Variants in MAGI2 observed in about 807,000 individuals in gnomAD.
MAGI2 encodes the protein membrane associated guanylate kinase, WW and PDZ domain containing 2, also known as membrane-associated guanylate kinase, WW and PDZ domain-containing protein 2.
A neutral mutation model predicts 133.3 loss-of-function variants in MAGI2; 35 were observed. That is an observed-to-expected ratio of 0.26 (90% CI 0.20 to 0.35). MAGI2 has a LOEUF of 0.35. Among genes scored for constraint, MAGI2 ranks in the 10% least tolerant of loss-of-function variants. The pLI, the probability that MAGI2 is intolerant of heterozygous loss-of-function variation, is 1.00. For missense variants in MAGI2, 1,636 were observed against 1,863.4 expected, an observed-to-expected ratio of 0.88 and a Z score of 2.25; for synonymous variants, 729 against 710.6, an observed-to-expected ratio of 1.03 and a Z score of -0.41.
chr7:78,324,180 T>TACACTAC (rs1788335009), intron 9 of MAGI2, among the ~76,000 whole-genome samples: 1 of 149,110 alleles, frequency 6.7e-6, no homozygotes, highest in Non-Finnish European at 1.5e-5. Context: ...CACACTACAC[T>TACACTAC]ACACTACACT....
chr7:78,626,826 ATGTGTGTGTGTGTG>A (rs71085549), intron 3 of MAGI2, among the ~76,000 whole-genome samples: 116 of 148,384 alleles, frequency 7.8e-4, no homozygotes, highest in Non-Finnish European at 6.6e-4. Flanking sequence ...GAATACTTCA[ATGTGTGTGTGTGTG>A]TGTGTGTGTG....
intron 2 of MAGI2, among the ~76,000 whole-genome samples, chr7:78,944,501 C>T (rs1584465948): frequency 6.6e-6 from 1 of 152,030 alleles, no homozygotes. Flanking sequence ...TATATAGGGT[C>T]TGCATTCCCC....
chr7:78,167,389 T>G (rs530621549), intron 15 of MAGI2, among the ~76,000 whole-genome samples: 2 of 152,346 alleles, frequency 1.3e-5, no homozygotes, highest in African/African-American at 4.8e-5. Context: ...TATTTCCAAT[T>G]TATCTGTTAC....
intron 2 of MAGI2, among the ~76,000 whole-genome samples, chr7:78,985,896 A>T (rs1278414335): frequency 1.3e-5 from 2 of 152,126 alleles, no homozygotes; most frequent in African/African-American, 4.8e-5. Context: ...CATTATAGAT[A>T]GGAAGGTCAT....
intron 1 of MAGI2, among the ~76,000 whole-genome samples, chr7:79,073,743 C>T (rs996798617): frequency 6.6e-6 from 1 of 151,528 alleles, no homozygotes; most frequent in South Asian, 2.1e-4. Flanking sequence ...GATCTGGGCA[C>T]CCCCCTGCCC....
At chr7:78,534,573 T>A (rs1797727148) in intron 3 of MAGI2, among the ~76,000 whole-genome samples, 1 of 152,192 alleles carries the variant, frequency 6.6e-6, no homozygotes, top group Non-Finnish European at 1.5e-5. Context: ...CTTTTCTCAG[T>A]TTAACCCAAG....
At chr7:78,619,089 A>C (rs930411826) in intron 3 of MAGI2, 1 of 151,260 alleles carries the variant, frequency 6.6e-6, no homozygotes, top group African/African-American at 2.4e-5. Context: ...TAGAGATGTT[A>C]ATTAGTTTGA....
intron 2 of MAGI2, among the ~76,000 whole-genome samples, chr7:78,888,807 TA>T (rs1265182784): frequency 6.6e-6 from 1 of 152,032 alleles, no homozygotes; most frequent in African/African-American, 2.4e-5. Flanking sequence ...CTGGAAACTC[TA>T]AAAATCACAG....
At chr7:79,269,918 C>T (rs919562641) in intron 1 of MAGI2, among the ~76,000 whole-genome samples, 1 of 152,124 alleles carries the variant, frequency 6.6e-6, no homozygotes, top group South Asian at 2.1e-4. Flanking sequence ...CTATAGTTTC[C>T]ATAATCCCTG....
At chr7:78,453,494 G>C (rs1437644349) in intron 6 of MAGI2, among the ~76,000 whole-genome samples, 1 of 152,184 alleles carries the variant, frequency 6.6e-6, no homozygotes, top group African/African-American at 2.4e-5. Flanking sequence ...CTTCCTCCTA[G>C]TCTTTTCAGA....
At chr7:78,693,770 T>TA (rs1817213457) in intron 2 of MAGI2, among the ~76,000 whole-genome samples, 1 of 152,158 alleles carries the variant, frequency 6.6e-6, no homozygotes, top group Non-Finnish European at 1.5e-5. Context: ...TTCCACCTTA[T>TA]GTTAGTAGTT....
At chr7:79,220,603 A>G (rs943173809) in intron 1 of MAGI2, among the ~76,000 whole-genome samples, 4 of 152,022 alleles carry the variant, frequency 2.6e-5, no homozygotes, top group Non-Finnish European at 5.9e-5. Context: ...AAAGATATGA[A>G]CTGGAGGAAT....
intron 3 of MAGI2, among the ~76,000 whole-genome samples, chr7:78,584,782 G>A (rs1803230378): frequency 6.6e-6 from 1 of 152,150 alleles, no homozygotes; most frequent in South Asian, 2.1e-4. Context: ...CCAAACCTTG[G>A]CTCAAATCCT....
At chr7:79,222,862 C>A (rs1032230376) in intron 1 of MAGI2, among the ~76,000 whole-genome samples, 8 of 151,820 alleles carry the variant, frequency 5.3e-5, no homozygotes, top group Non-Finnish European at 1.0e-4. Context: ...TATCTCATTT[C>A]TTTTCTTTTT....
intron 1 of MAGI2, among the ~76,000 whole-genome samples, chr7:79,042,203 G>C (rs1425600778): frequency 6.6e-6 from 1 of 152,102 alleles, no homozygotes; most frequent in African/African-American, 2.4e-5. Flanking sequence ...CTTCATCAAA[G>C]GAGATAAATG....
intron 1 of MAGI2, among the ~76,000 whole-genome samples, chr7:79,445,077 T>C (rs1225055705): frequency 1.3e-5 from 2 of 152,304 alleles, no homozygotes; most frequent in African/African-American, 4.8e-5. Flanking sequence ...GGATTCCCTA[T>C]TTAATAAATG....
At chr7:78,324,378 G>C (rs1470580069) in intron 9 of MAGI2, among the ~76,000 whole-genome samples, 1 of 152,164 alleles carries the variant, frequency 6.6e-6, no homozygotes, top group Non-Finnish European at 1.5e-5. Flanking sequence ...GTTTAGTCGT[G>C]TTGACTGTTC....
intron 6 of MAGI2, among the ~76,000 whole-genome samples, chr7:78,385,770 T>C (rs1476538011): frequency 6.6e-6 from 1 of 152,204 alleles, no homozygotes; most frequent in Non-Finnish European, 1.5e-5. Flanking sequence ...TTGAGGAGTA[T>C]GAATGATGTA....
At chr7:78,947,156 CAAAACAAAA>C (rs1801482651) in intron 2 of MAGI2, among the ~76,000 whole-genome samples, 1 of 151,734 alleles carries the variant, frequency 6.6e-6, no homozygotes, top group Non-Finnish European at 1.5e-5. Flanking sequence ...AAAAACAAAA[CAAAACAAAA>C]AAAACAAACC....
Sources: allele counts gnomAD v4.1 joint callset (sites outside exome capture counted in the v4.1 genomes callset), GRCh38; gene constraint gnomAD v4.1.1; transcripts MANE v1.5; gene names NCBI Gene and HGNC (gene_info 2026-07-23, HGNC 2026-07-21).